The following SCN8A variants were observed in gnomAD, a reference collection of about 807,000 sequenced individuals.
SCN8A encodes sodium voltage-gated channel alpha subunit 8.
SCN8A carries 30 observed loss-of-function variants against 184.1 expected under a neutral mutation model. The ratio of observed to expected loss-of-function variants is 0.16; its 90% confidence interval spans 0.12 to 0.22. The LOEUF is 0.22. Ranked by LOEUF, SCN8A falls within the 10% of genes least tolerant of loss-of-function variation. The pLI, the probability that SCN8A is intolerant of heterozygous loss-of-function variation, is 1.00. For synonymous variants in SCN8A, 852 were observed against 907.0 expected, an observed-to-expected ratio of 0.94 and a Z score of 1.09; for missense variants, 1,057 against 2,498.9, an observed-to-expected ratio of 0.42 and a Z score of 12.30.
At chr12:51,610,293 T>C (rs1250182622) in intron 1 of SCN8A, among the ~76,000 whole-genome samples, 1 of 151,854 alleles carries the variant, frequency 6.6e-6, no homozygotes, top group African/African-American at 2.4e-5. Flanking sequence ...GTTAGGTGAG[T>C]CTCCTGAAGG....
intron 6 of SCN8A, among the ~76,000 whole-genome samples, chr12:51,697,217 C>T (rs751927783): frequency 6.6e-6 from 1 of 152,006 alleles, no homozygotes; most frequent in East Asian, 1.9e-4. Context: ...CTTCATAATC[C>T]CTTTGTGGCC....
chr12:51,797,458 G>A (rs1938442979), intron 26 of SCN8A, among the ~76,000 whole-genome samples: 1 of 152,226 alleles, frequency 6.6e-6, no homozygotes, highest in Non-Finnish European at 1.5e-5. Context: ...TGGTCACGTG[G>A]TCGTAGCTGG....
Position 51,772,843 on chromosome 12 carries a change from A to G in SCN8A, c.3646-1346A>G, listed in dbSNP as rs1029362002. Among the ~76,000 whole-genome samples, 33 of 146,714 alleles carry G rather than the reference A, an allele frequency of 2.2e-4. No individual in the cohort carries two copies. The East Asian group carries it at 2.3e-3, about 10-fold the overall frequency. ...AAAATACAAAAAAAATTAACCGGGC[A>G]TGGTGTCTCACACCTGTAATCCCAG... is the stretch of plus-strand genomic sequence containing the variant. On this transcript the variant is annotated intron_variant, in intron 19 of 26. Transcript: ENST00000627620.
intron 25 of SCN8A, among the ~76,000 whole-genome samples, chr12:51,792,643 G>T (rs955529135): frequency 1.2e-4 from 18 of 152,118 alleles, no homozygotes; most frequent in South Asian, 2.1e-4. Context: ...ACTGTGCCAG[G>T]TGTCTCCCCG....
intron 14 of SCN8A, among the ~76,000 whole-genome samples, chr12:51,753,426 G>T (rs913594932): frequency 6.6e-6 from 1 of 152,156 alleles, no homozygotes; most frequent in African/African-American, 2.4e-5. Flanking sequence ...CTGGCTTGAC[G>T]TATAAAATCA....
At chr12:51,699,907 C>T (rs1313236753) in intron 7 of SCN8A, 116 bp downstream of exon 7, 6 of 802,328 alleles carry the variant, frequency 7.5e-6, no homozygotes, top group Non-Finnish European at 1.0e-5. Context: ...TGGCTCACTC[C>T]TATAATCCTA....
At position 51,660,205 on chromosome 12, in the gene SCN8A, G is replaced by A. The variant is rs550683658; in HGVS notation, c.-54-2559G>A. Among the ~76,000 whole-genome samples the A allele has an allele frequency of 1.2e-4, 19 of 152,250 alleles. No homozygotes were observed. In the South Asian group the frequency reaches 3.7e-3, roughly 30 times the overall value. ...GGAGATGTAAAGGGAGAAGATACAG[G>A]AAAAGGTACAATTGAAGATGGGATG... On this transcript the variant is annotated intron_variant, in intron 1 of 26. Transcript: ENST00000627620.
At chr12:51,711,197 C>T (rs957723601) in intron 11 of SCN8A, among the ~76,000 whole-genome samples, 1 of 152,204 alleles carries the variant, frequency 6.6e-6, no homozygotes, top group African/African-American at 2.4e-5. Context: ...TAACGCTTTG[C>T]TATTGAATGG....
chr12:51,726,360 A>G (rs925700002), intron 12 of SCN8A, among the ~76,000 whole-genome samples: 5 of 152,218 alleles, frequency 3.3e-5, no homozygotes, highest in African/African-American at 9.6e-5. Flanking sequence ...TTTAATGCTT[A>G]CAGCCTGGAC....
chr12:51,698,499 G>T (rs1288133354), intron 6 of SCN8A, among the ~76,000 whole-genome samples: 1 of 152,138 alleles, frequency 6.6e-6, no homozygotes, highest in Non-Finnish European at 1.5e-5. Context: ...TCAGTGCTTT[G>T]TTGGCCGTAT....
chr12:51,735,768 G>A (rs1468077530), intron 12 of SCN8A, among the ~76,000 whole-genome samples: 2 of 152,168 alleles, frequency 1.3e-5, no homozygotes, highest in Admixed American at 6.5e-5. Context: ...TCCTCCTGGA[G>A]TCTCTTCCTC....
chr12:51,779,110 C>G (rs1310858289), intron 20 of SCN8A, among the ~76,000 whole-genome samples: 1 of 151,738 alleles, frequency 6.6e-6, no homozygotes, highest in African/African-American at 2.4e-5. Flanking sequence ...AGCTACTCAC[C>G]CAGGAGGCTA....
chr12:51,645,192 C>CGGGA (rs1940548340), intron 1 of SCN8A, among the ~76,000 whole-genome samples: 1 of 144,374 alleles, frequency 6.9e-6, no homozygotes, highest in African/African-American at 2.6e-5. Context: ...CCGCCCTGTC[C>CGGGA]GGGAGGGAGG....
At chr12:51,614,633 A>G (rs1353492229) in intron 1 of SCN8A, among the ~76,000 whole-genome samples, 3 of 152,112 alleles carry the variant, frequency 2.0e-5, no homozygotes, top group African/African-American at 4.8e-5. Flanking sequence ...TAAGCTACAG[A>G]CTTCATTTGG....
At chr12:51,796,270 A>T (rs1938404583) in intron 26 of SCN8A, among the ~76,000 whole-genome samples, 1 of 152,170 alleles carries the variant, frequency 6.6e-6, no homozygotes, top group Non-Finnish European at 1.5e-5. Context: ...TGTGGCTGGT[A>T]AGTGAGCAAG....
At chr12:51,656,562 C>T (rs1156409683) in intron 1 of SCN8A, among the ~76,000 whole-genome samples, 1 of 152,076 alleles carries the variant, frequency 6.6e-6, no homozygotes, top group Non-Finnish European at 1.5e-5. Flanking sequence ...GGAGAATACA[C>T]AAAGAACTCC....
intron 13 of SCN8A, among the ~76,000 whole-genome samples, chr12:51,746,771 A>G (rs1942517676): frequency 6.6e-6 from 1 of 152,178 alleles, no homozygotes; most frequent in African/African-American, 2.4e-5. Context: ...CCTAGCAAGA[A>G]TCAGCTCCTC....
chr12:51,598,578 C>T (rs191619972), intron 1 of SCN8A, among the ~76,000 whole-genome samples: 33 of 152,246 alleles, frequency 2.2e-4, no homozygotes, highest in African/African-American at 7.7e-4. Context: ...AAAACATTTT[C>T]TCAGAAGGCT....
chr12:51,784,904 C>T (rs745437746), intron 21 of SCN8A, among the ~76,000 whole-genome samples: 3 of 152,150 alleles, frequency 2.0e-5, no homozygotes, highest in Non-Finnish European at 4.4e-5. Flanking sequence ...TAAAAAGCAG[C>T]ATGCCTTGGT....
Sources: gnomAD v4.1 joint callset for allele counts (sites outside exome capture counted in the v4.1 genomes callset) on GRCh38, gnomAD v4.1.1 for gene constraint, MANE v1.5 for transcripts, NCBI Gene and HGNC (gene_info 2026-07-23, HGNC 2026-07-21) for gene names.